The following SYT8 variants were observed in gnomAD, a reference collection of about 807,000 sequenced individuals.
SYT8 encodes the protein synaptotagmin-8.
In SYT8, 50 loss-of-function variants were observed where a neutral mutation model predicts 34.9. The observed-to-expected ratio is 1.43, with a 90% CI of 1.14 to 1.81. SYT8 has a LOEUF of 1.81. SYT8 is among the 40% of genes most tolerant of loss of function. The pLI, the probability that SYT8 is intolerant of heterozygous loss-of-function variation, is 0.00. For synonymous variants in SYT8, 255 were observed against 234.2 expected, an observed-to-expected ratio of 1.09 and a Z score of -0.81; for missense variants, 595 against 529.0, an observed-to-expected ratio of 1.12 and a Z score of -1.22.
At position 1,835,510 on chromosome 11, in the gene SYT8, G is replaced by A. The variant is rs764547243; in HGVS notation, c.258+51G>A. On this transcript the variant is annotated intron_variant, in intron 2 of 7. Transcript: ENST00000341958. ...AGTCCAGAGAGGGCTTGAAATCCAGGCTCCAGAGCCCAGGGCAGCGAGGCG... is the reference window on the plus strand; with the variant it reads ...AGTCCAGAGAGGGCTTGAAATCCAGACTCCAGAGCCCAGGGCAGCGAGGCG... 46 of 1,597,780 alleles carry A rather than the reference G, an allele frequency of 2.9e-5. No homozygotes were observed. The Admixed American group carries it at 7.6e-4, about 26-fold the overall frequency.
Position 1,835,205 on chromosome 11 carries a change from TTGTGGGATTCCCAAGAGGGG to T in SYT8, c.94+13_94+32del. 1 of 1,612,860 alleles carries T rather than the reference TTGTGGGATTCCCAAGAGGGG, an allele frequency of 6.2e-7. No homozygotes were observed. Among genetic ancestry groups the T allele is most frequent in the Non-Finnish European group, 8.5e-7 (1 of 1,179,712 alleles). On this transcript the variant is annotated splice_region_variant and intron_variant, in intron 1 of 7. Coordinates refer to ENST00000341958, the MANE Select transcript of SYT8 (RefSeq NM_001394072.1). The stretch of plus-strand genomic sequence containing the variant: ...CCTTGTCGCCGGGACCCCCTGTGAG[TTGTGGGATTCCCAAGAGGGG>T]TGTGGGGATAACCCAGCCAAGTGGG...
chr11:1,835,633 G>GCAA (rs1846871480), intron 2 of SYT8, 174 bp downstream of exon 2: 1 of 823,226 alleles, frequency 1.2e-6, no homozygotes, highest in Non-Finnish European at 1.9e-6. Context: ...AGGAGGCCAT[G>GCAA]CAACAGGGGC....
upstream of SYT8, chr11:1,834,496 ACAGC>A: frequency 7.1e-7 from 1 of 1,411,322 alleles, no homozygotes; most frequent in Non-Finnish European, 9.8e-7. This position sits in a 1 kb window ranked among gnomAD's most constrained non-coding sequence, Gnocchi z 4.5. Flanking sequence ...AGCTCCGCCG[ACAGC>A]CAGCCCTGCT....
chr11:1,835,953 T>C lies in SYT8; in HGVS notation c.326T>C (p.Leu109Pro). The C allele has an allele frequency of 6.2e-7, 1 of 1,607,114 alleles. No individual in the cohort carries two copies. The highest frequency in any genetic ancestry group is 8.5e-7 in the Non-Finnish European group (1 of 1,178,090). ...GDAQQWGCLQ[L>P]SLEFDFGSQE... ...GCTCAGCAATGGGGGTGCCTGCAGC[T>C]CTCCCTGGAGTTCGACTTTGGAAGC... The change falls in exon 3 of 8, where the codon CTC (leucine) becomes CCC (proline). Residue 109 changes from leucine to proline, a missense_variant. Coordinates refer to ENST00000341958, the MANE Select transcript of SYT8 (RefSeq NM_001394072.1).
Position 1,835,993 on chromosome 11 carries a change from C to A in SYT8, c.357+9C>A. 6.2e-7 allele frequency: 1 copy of A among 1,604,362 alleles called. No individual in the cohort carries two copies. The highest frequency in any genetic ancestry group is 8.5e-7 in the Non-Finnish European group (1 of 1,176,494). The stretch of plus-strand genomic sequence containing the variant: ...ACTTTGGAAGCCAGGAGGTGAAGGG[C>A]CCCGCTGCGCAGGACCAGCGGTTCT... On this transcript the variant is annotated intron_variant, in intron 3 of 7. Coordinates refer to ENST00000341958, the MANE Select transcript of SYT8 (RefSeq NM_001394072.1).
chr11:1,834,504 C>A, upstream of SYT8: 1 of 1,449,096 alleles, frequency 6.9e-7, no homozygotes, highest in Non-Finnish European at 9.5e-7. This position sits in a 1 kb window ranked among gnomAD's most constrained non-coding sequence, Gnocchi z 4.5. Context: ...CGACAGCCAG[C>A]CCTGCTCCTC....
At chr11:1,834,077 T>G, upstream of SYT8, 1 of 164,392 alleles carries the variant, frequency 6.1e-6, no homozygotes, top group Non-Finnish European at 1.3e-5. The surrounding 1 kb of genome is among the most constrained non-coding windows in gnomAD (Gnocchi z 4.5). Flanking sequence ...AGGAACAGAG[T>G]CTCCTGGCTG....
Position 1,836,441 on chromosome 11 carries a change from T to C in SYT8, c.533T>C (p.Leu178Pro), listed in dbSNP as rs1444922037. 6 of 1,581,060 alleles carry C rather than the reference T, an allele frequency of 3.8e-6. No homozygotes were observed. The highest frequency in any genetic ancestry group is 4.3e-6 in the Non-Finnish European group (5 of 1,165,324). ...CTGCCTCAGATCCCGCAGGCGGAGC[T>C]GCCAGGGGCCACCCTGCAGGTGCAG... ...TCCFHIPQAELPGATLQVQLF... is the reference protein window; with the variant it reads ...TCCFHIPQAEPPGATLQVQLF... The change falls in exon 5 of 8, where the codon CTG becomes CCG. Residue 178 changes from leucine to proline, a missense_variant. Leu to Pro is a moderately conservative substitution (Grantham distance 98). Transcript: ENST00000341958.
At position 1,837,481 on chromosome 11, in the gene SYT8, C is replaced by A. The variant is rs945597387; in HGVS notation, c.*50C>A. ...CGCTGAGCCCAGGCACTTGCCCAGGCCGCCCTGCAGGACCACTGCAATAAA... is the reference window on the plus strand; with the variant it reads ...CGCTGAGCCCAGGCACTTGCCCAGGACGCCCTGCAGGACCACTGCAATAAA... On this transcript the variant is annotated 3_prime_UTR_variant, in exon 8 of 8. Coordinates refer to ENST00000341958, the MANE Select transcript of SYT8 (RefSeq NM_001394072.1). 6.3e-7 allele frequency: 1 copy of A among 1,588,528 alleles called. No individual in the cohort carries two copies. Among genetic ancestry groups the A allele is most frequent in the Non-Finnish European group, 8.5e-7 (1 of 1,172,248 alleles).
chr11:1,836,969 A>T lies in SYT8; in HGVS notation c.803A>T (p.Lys268Met). 3 of 1,613,694 alleles carry T rather than the reference A, an allele frequency of 1.9e-6. No individual in the cohort carries two copies. The highest frequency in any genetic ancestry group is 2.5e-6 in the Non-Finnish European group (3 of 1,180,012). Residue 268 changes from lysine to methionine, a missense_variant, in exon 7 of 8, where the codon AAG becomes ATG. By Grantham distance (95) the Lys-to-Met change is moderately conservative. Transcript: ENST00000341958. ...LRPGLAEPYV[K>M]VQLMLNQRKW... ...CTTGCCCTCCCAGAGCCCTACGTGA[A>T]GGTCCAGCTCATGCTGAACCAGAGG...
Position 1,835,726 on chromosome 11 carries a change from G to A in SYT8, c.259-160G>A, listed in dbSNP as rs1015485272. The A allele has an allele frequency of 2.9e-5, 23 of 781,706 alleles. No homozygotes were observed. The East Asian group carries it at 5.9e-4, about 20-fold the overall frequency. The allele number at this position is 781,706 out of a possible 1,614,324, so 48.4% of individuals were successfully genotyped here. A position where few individuals can be genotyped will look rare whatever the true frequency, so the allele number is the denominator to read the frequency against. ...AGATGCCACGTTTTGGGTGGGTTTGGCCGGTCTCACAGAGCGAAGCCGACG... is the reference window on the plus strand; with the variant it reads ...AGATGCCACGTTTTGGGTGGGTTTGACCGGTCTCACAGAGCGAAGCCGACG... On this transcript the variant is annotated intron_variant, in intron 2 of 7. Transcript: ENST00000341958.
upstream of SYT8, chr11:1,834,604 G>A (rs1431716215): frequency 1.3e-6 from 2 of 1,588,142 alleles, no homozygotes; most frequent in East Asian, 4.6e-5. This position sits in a 1 kb window ranked among gnomAD's most constrained non-coding sequence, Gnocchi z 4.5. Context: ...AAACCATGGT[G>A]GGCCCCAGCT....
intron 2 of SYT8, 155 bp downstream of exon 2, chr11:1,835,614 G>A (rs1436711920): frequency 3.2e-6 from 3 of 927,374 alleles, no homozygotes; most frequent in Admixed American, 2.2e-5. Context: ...TGGGTGAACA[G>A]AGGTGAGAAG....
At chr11:1,833,824 G>A (rs1410475380), upstream of SYT8, 2 of 48,944 alleles carry the variant, frequency 4.1e-5, no homozygotes, top group Admixed American at 6.6e-4. Flanking sequence ...GCGTGTGTGT[G>A]TGTGTGTGTG....
upstream of SYT8, chr11:1,833,827 T>C (rs947142784): frequency 3.1e-4 from 23 of 74,770 alleles, no homozygotes; most frequent in Non-Finnish European, 6.4e-4. Context: ...TGTGTGTGTG[T>C]GTGTGTGTGT....
Position 1,837,498 on chromosome 11 carries a change from T to C in SYT8, c.*67T>C, listed in dbSNP as rs934157280. 6 of 1,567,002 alleles carry C rather than the reference T, an allele frequency of 3.8e-6. No individual in the cohort carries two copies. The highest frequency in any genetic ancestry group is 1.1e-5 in the South Asian group (1 of 87,604). ...TGCCCAGGCCGCCCTGCAGGACCAC[T>C]GCAATAAACGCCTTCTCCTGCCACT... On this transcript the variant is annotated 3_prime_UTR_variant, in exon 8 of 8. Coordinates refer to ENST00000341958, the MANE Select transcript of SYT8 (RefSeq NM_001394072.1).
intron 6 of SYT8, 39 bp downstream of exon 6, chr11:1,836,900 G>T: frequency 6.2e-7 from 1 of 1,612,784 alleles, no homozygotes; most frequent in Non-Finnish European, 8.5e-7. Context: ...TACAGAGGGG[G>T]GGCCCGTGCT....
In SYT8 at chr11:1,836,459, AG is replaced by A; in HGVS notation, c.553del (p.Val185CysfsTer64). The A allele has an allele frequency of 6.2e-7, 1 of 1,602,998 alleles. No individual in the cohort carries two copies. The highest frequency in any genetic ancestry group is 8.5e-7 in the Non-Finnish European group (1 of 1,176,126). On this transcript the variant is annotated frameshift_variant, in exon 5 of 8. Transcript: ENST00000341958. LOFTEE classifies it high-confidence loss of function. ...PQAELPGATL[Q>X]VQLFNFKRFS... ...GCGGAGCTGCCAGGGGCCACCCTGC[AG>A]GTGCAGCTTTTCAACTTCAAGCGCT...
intron 2 of SYT8, 109 bp downstream of exon 2, chr11:1,835,568 G>A: frequency 7.5e-7 from 1 of 1,330,788 alleles, no homozygotes; most frequent in Non-Finnish European, 1.0e-6. Context: ...AACCCCCACA[G>A]AGGCAGGGCG....
Sources: allele counts gnomAD v4.1 joint callset, GRCh38; gene constraint gnomAD v4.1.1; non-coding constraint Gnocchi (gnomAD v3.1); transcripts MANE v1.5; gene names NCBI Gene and HGNC (gene_info 2026-07-23, HGNC 2026-07-21).